DCBLD2: variants seen among roughly 807,000 people sequenced by gnomAD.
DCBLD2 encodes discoidin, CUB and LCCL domain-containing protein 2.
In DCBLD2, 54 loss-of-function variants were observed where a neutral mutation model predicts 86.8. That is an observed-to-expected ratio of 0.62 (90% CI 0.50 to 0.78). DCBLD2 has a LOEUF of 0.78. DCBLD2 is among the 30% of genes least tolerant of loss of function. The probability of loss-of-function intolerance (pLI) is 0.00; values close to 1 mark genes in which losing one functional copy is unlikely to be tolerated. For missense variants in DCBLD2, 908 were observed against 954.2 expected (o/e 0.95, Z 0.64); for synonymous variants, 354 against 341.3 (o/e 1.04, Z -0.41).
intron 1 of DCBLD2, chr3:98,895,269 T>C (rs1318178548): frequency 1.3e-5 from 2 of 152,072 alleles, no homozygotes; most frequent in East Asian, 1.9e-4. Flanking sequence ...TTACAGATGA[T>C]AAAGGGGCTG....
Position 98,822,201 on chromosome 3 carries a change from TA to T in DCBLD2, c.830+26del, listed in dbSNP as rs774250234. The T allele has an allele frequency of 1.6e-5, 25 of 1,612,352 alleles. No individual in the cohort carries two copies. In the African/African-American group the frequency reaches 2.9e-4, roughly 19 times the overall value. ...CAGAATGCTAATTATATATAGCATA[TA>T]TTTTTTAAATTGCATATATACTTAC... On this transcript the variant is annotated intron_variant, in intron 6 of 15. Coordinates refer to ENST00000326840, the MANE Select transcript of DCBLD2 (RefSeq NM_080927.4).
At position 98,838,456 on chromosome 3, in the gene DCBLD2, G is replaced by A. The variant is rs1393934040; in HGVS notation, c.571+11005C>T. Reference sequence around the variant, plus strand: ...CCCACATCTCAGACGATGGGCGGCCGGGCAGAGACGCTCCTCACTTCCTAG... The same window carrying A: ...CCCACATCTCAGACGATGGGCGGCCAGGCAGAGACGCTCCTCACTTCCTAG... On this transcript the variant is annotated intron_variant, in intron 3 of 15. Transcript: ENST00000326840. Among the ~76,000 whole-genome samples the A allele has an allele frequency of 3.4e-3, 458 of 135,010 alleles. 1 individual carries two copies. Among genetic ancestry groups the A allele is most frequent in the African/African-American group, 0.012 (426 of 35,704 alleles). 88.6% of individuals were successfully genotyped at this position (135,010 alleles called of 152,430 possible).
At chr3:98,813,027 T>C (rs1316371418) in intron 9 of DCBLD2, 1 of 152,252 alleles carries the variant, frequency 6.6e-6, no homozygotes, top group Non-Finnish European at 1.5e-5. Flanking sequence ...TCTCCTATTA[T>C]CCCGGTTTTT....
At chr3:98,859,928 G>C (rs1176747074) in intron 2 of DCBLD2, among the ~76,000 whole-genome samples, 2 of 152,202 alleles carry the variant, frequency 1.3e-5, no homozygotes, top group Admixed American at 1.3e-4. Flanking sequence ...ACTTCTCTGA[G>C]CTAAAGGAAG....
intron 1 of DCBLD2, among the ~76,000 whole-genome samples, chr3:98,899,292 C>G (rs1385802425): frequency 1.5e-5 from 2 of 137,178 alleles, no homozygotes; most frequent in Non-Finnish European, 3.0e-5. Context: ...GACAGTCTCG[C>G]TCTGTCGCCA....
At chr3:98,801,859 T>C (rs758866165) in intron 13 of DCBLD2, 46 of 459,220 alleles carry the variant, frequency 1.0e-4, no homozygotes, top group Non-Finnish European at 1.4e-4. Flanking sequence ...TCCAGCTTCA[T>C]CCATGTCACT....
chr3:98,822,779 G>A (rs1942147256), intron 4 of DCBLD2, 38 bp from the exon 5 acceptor site: 1 of 1,521,176 alleles, frequency 6.6e-7, no homozygotes, highest in Non-Finnish European at 8.8e-7. Flanking sequence ...ACATAATGCT[G>A]TATTTTACAG....
At position 98,893,446 on chromosome 3, in the gene DCBLD2, CAAAA is replaced by C. The variant is rs941030827; in HGVS notation, c.205+7672_205+7675del. ...AGCTGCTTGGTTTTTCAAACTAAAA[CAAAA>C]ACCAAAACAAACAAAAATCTGACAG... On this transcript the variant is annotated intron_variant, in intron 1 of 15. Transcript: ENST00000326840. Among the ~76,000 whole-genome samples, 18 of 147,582 alleles carry C rather than the reference CAAAA, an allele frequency of 1.2e-4. 1 individual carries two copies. Among genetic ancestry groups the C allele is most frequent in the African/African-American group, 4.5e-4 (18 of 40,410 alleles).
chr3:98,840,104 G>C (rs942929532), intron 3 of DCBLD2, among the ~76,000 whole-genome samples: 1 of 152,154 alleles, frequency 6.6e-6, no homozygotes, highest in African/African-American at 2.4e-5. Context: ...AGAGTGAGAT[G>C]AAACTTTCAC....
chr3:98,801,260 TG>T, intron 14 of DCBLD2: 1 of 296,046 alleles, frequency 3.4e-6, no homozygotes, highest in Non-Finnish European at 6.2e-6. Context: ...CACTGTGTCC[TG>T]GAGACCACAG....
At chr3:98,804,483 T>A (rs987819413) in intron 13 of DCBLD2, among the ~76,000 whole-genome samples, 2 of 152,180 alleles carry the variant, frequency 1.3e-5, no homozygotes, top group Non-Finnish European at 2.9e-5. Flanking sequence ...TTTGTTGATC[T>A]TTTCAAAAAA....
intron 14 of DCBLD2, 54 bp downstream of exon 14, chr3:98,801,546 T>C (rs767287387): frequency 1.9e-5 from 28 of 1,455,446 alleles, no homozygotes; most frequent in South Asian, 3.7e-5. Flanking sequence ...CTGCCCCCTG[T>C]AGGGGAGCGA....
intron 2 of DCBLD2, among the ~76,000 whole-genome samples, chr3:98,875,526 T>C (rs1000548923): frequency 6.6e-6 from 1 of 152,146 alleles, no homozygotes; most frequent in Non-Finnish European, 1.5e-5. Context: ...CAACGAGCTT[T>C]TTTGTGGAGT....
At chr3:98,839,176 CTTT>C (rs1310218325) in intron 3 of DCBLD2, among the ~76,000 whole-genome samples, 12 of 16,090 alleles carry the variant, frequency 7.5e-4, no homozygotes, top group Non-Finnish European at 1.5e-3. Flanking sequence ...TCTTTCCTTT[CTTT>C]CTTCCTTCCT....
At chr3:98,878,305 A>G (rs1943404562) in intron 2 of DCBLD2, among the ~76,000 whole-genome samples, 1 of 152,178 alleles carries the variant, frequency 6.6e-6, no homozygotes, top group Admixed American at 6.5e-5. Context: ...CACTGAGAAC[A>G]GCGCATCTGT....
rs1399274354 is a variant in DCBLD2 at position 98,837,147 on chromosome 3, G to A, written c.572-11781C>T. 7.5e-3 allele frequency among the ~76,000 whole-genome samples: 12 copies of A among 1,594 alleles called. 5 individuals are homozygous for A. Among genetic ancestry groups the A allele is most frequent in the Admixed American group, 0.074 (4 of 54 alleles). The allele number at this position is 1,594 out of a possible 152,430, so 1.0% of individuals were successfully genotyped here. On this transcript the variant is annotated intron_variant, in intron 3 of 15. Coordinates refer to ENST00000326840, the MANE Select transcript of DCBLD2 (RefSeq NM_080927.4). ...GACGGGGTGGCTGGCCGGGCAGGGGGCCGACCCCCCCACCTCCCTCCCGGA... is the reference window on the plus strand; with the variant it reads ...GACGGGGTGGCTGGCCGGGCAGGGGACCGACCCCCCCACCTCCCTCCCGGA...
At chr3:98,890,191 T>C (rs1261003855) in intron 1 of DCBLD2, among the ~76,000 whole-genome samples, 20 of 152,028 alleles carry the variant, frequency 1.3e-4, no homozygotes, top group Admixed American at 1.3e-3. Flanking sequence ...GCAAATGTAA[T>C]CAAGTTAAAA....
At chr3:98,883,299 T>C (rs1351709035) in intron 1 of DCBLD2, among the ~76,000 whole-genome samples, 1 of 152,210 alleles carries the variant, frequency 6.6e-6, no homozygotes, top group East Asian at 1.9e-4. Context: ...AGGCACTCCT[T>C]CTTGAAATTA....
At chr3:98,835,641 C>G (rs1048647439) in intron 3 of DCBLD2, among the ~76,000 whole-genome samples, 1 of 148,702 alleles carries the variant, frequency 6.7e-6, no homozygotes, top group Non-Finnish European at 1.5e-5. Context: ...CTTCTGCCTC[C>G]CGGATTCAAG....
Sources: allele counts gnomAD v4.1 joint callset (sites outside exome capture counted in the v4.1 genomes callset), GRCh38; gene constraint gnomAD v4.1.1; transcripts MANE v1.5; gene names NCBI Gene and HGNC (gene_info 2026-07-23, HGNC 2026-07-21).